Variants in EPB41L5 observed in about 807,000 individuals in gnomAD.
EPB41L5 encodes band 4.1-like protein 5.
In EPB41L5, 55 loss-of-function variants were observed where a neutral mutation model predicts 106.6. That is an observed-to-expected ratio of 0.52 (90% CI 0.42 to 0.65). The LOEUF (loss-of-function observed/expected upper bound fraction) is 0.65. Among genes scored for constraint, EPB41L5 ranks in the 30% least tolerant of loss-of-function variants. The pLI, the probability that EPB41L5 is intolerant of heterozygous loss-of-function variation, is 0.00. For synonymous variants in EPB41L5, 297 were observed against 306.7 expected (o/e 0.97, Z 0.33); for missense variants, 871 against 882.1 (o/e 0.99, Z 0.16).
chr2:120,166,729 C>G (rs1687430002), intron 22 of EPB41L5, among the ~76,000 whole-genome samples: 2 of 152,218 alleles, frequency 1.3e-5, no homozygotes, highest in South Asian at 4.1e-4. Flanking sequence ...CGCCACTGCG[C>G]CCAGCCTGTG....
chr2:120,057,907 T>A (rs1333184037), intron 3 of EPB41L5, among the ~76,000 whole-genome samples: 1 of 152,082 alleles, frequency 6.6e-6, no homozygotes, highest in Non-Finnish European at 1.5e-5. Flanking sequence ...ATTGAGTGGT[T>A]TTAGGTTGGT....
chr2:120,019,898 G>A lies in EPB41L5; in HGVS notation c.180+634G>A, dbSNP rs915932308. Reference sequence around the variant, plus strand: ...AAGACAGGCTGTTGTAATTATATTTGCATTTTGGATAGATTTTTTTTTTTT... The same window carrying A: ...AAGACAGGCTGTTGTAATTATATTTACATTTTGGATAGATTTTTTTTTTTT... On this transcript the variant is annotated intron_variant, in intron 2 of 24. Coordinates refer to ENST00000263713, the MANE Select transcript of EPB41L5 (RefSeq NM_020909.4). Among the ~76,000 whole-genome samples, 3 of 94,840 alleles carry A rather than the reference G, an allele frequency of 3.2e-5. No homozygotes were observed. The Admixed American group carries it at 4.3e-4, about 14-fold the overall frequency. 62.2% of individuals were successfully genotyped at this position (94,840 alleles called of 152,430 possible). A position where few individuals can be genotyped will look rare whatever the true frequency, so the allele number is the denominator to read the frequency against.
chr2:120,082,039 A>G (rs923421956), intron 10 of EPB41L5, among the ~76,000 whole-genome samples: 11 of 152,180 alleles, frequency 7.2e-5, no homozygotes, highest in Non-Finnish European at 1.0e-4. Context: ...TAAATATACA[A>G]TCGTGTCATC....
intron 13 of EPB41L5, among the ~76,000 whole-genome samples, chr2:120,092,400 A>G (rs1683481936): frequency 6.6e-6 from 1 of 152,180 alleles, no homozygotes; most frequent in Non-Finnish European, 1.5e-5. Context: ...TGTATTAAAT[A>G]CCATTTTAAA....
At chr2:120,035,680 T>C (rs1678999397) in intron 2 of EPB41L5, among the ~76,000 whole-genome samples, 1 of 152,124 alleles carries the variant, frequency 6.6e-6, no homozygotes. Flanking sequence ...CCCCCATCTC[T>C]TAAAAAAAAT....
chr2:120,162,678 A>G (rs1384761146), intron 21 of EPB41L5, among the ~76,000 whole-genome samples: 2 of 152,216 alleles, frequency 1.3e-5, no homozygotes, highest in African/African-American at 4.8e-5. Context: ...TTTATTGCAT[A>G]TATAGTATGT....
chr2:120,131,588 G>A lies in EPB41L5; in HGVS notation c.1502-30G>A, dbSNP rs750035477. ...TAGCTGTGACAGCCTGGCAGACTGG[G>A]GTTATTTTGCCTTTTTTTTTTCTTT... is the stretch of plus-strand genomic sequence containing the variant. On this transcript the variant is annotated intron_variant, in intron 17 of 24. Coordinates refer to ENST00000263713, the MANE Select transcript of EPB41L5 (RefSeq NM_020909.4). 2.6e-6 allele frequency: 4 copies of A among 1,529,220 alleles called. No individual in the cohort carries two copies. The South Asian group carries it at 4.5e-5, about 17-fold the overall frequency. The allele number at this position is 1,529,220 out of a possible 1,614,324, so 94.7% of individuals were successfully genotyped here.
intron 10 of EPB41L5, among the ~76,000 whole-genome samples, chr2:120,083,147 C>G (rs188882429): frequency 6.6e-6 from 1 of 152,246 alleles, no homozygotes; most frequent in African/African-American, 2.4e-5. Context: ...CTTCTGCTAG[C>G]TTTTGAATGT....
At chr2:120,020,525 T>A (rs1677849031) in intron 2 of EPB41L5, among the ~76,000 whole-genome samples, 2 of 152,210 alleles carry the variant, frequency 1.3e-5, no homozygotes, top group African/African-American at 2.4e-5. Flanking sequence ...GGTTTTTGAT[T>A]CTGGACAACT....
chr2:120,061,253 C>T (rs183504594), intron 3 of EPB41L5, among the ~76,000 whole-genome samples: 4,631 of 143,720 alleles, frequency 0.032, 246 homozygotes, highest in African/African-American at 0.11. Context: ...GACGGAGTCT[C>T]GCTCTGTCGC....
chr2:120,076,857 AT>A (rs754134759), intron 7 of EPB41L5, 113 bp from the exon 8 acceptor site: 95 of 1,010,226 alleles, frequency 9.4e-5, no homozygotes, highest in Non-Finnish European at 1.2e-4. Context: ...AGTATTATGA[AT>A]TTTTGTAAGA....
intron 20 of EPB41L5, among the ~76,000 whole-genome samples, chr2:120,156,182 A>G (rs1686892331): frequency 6.6e-6 from 1 of 152,172 alleles, no homozygotes; most frequent in South Asian, 2.1e-4. Context: ...GATCTTGTCC[A>G]TCAGGTAGGG....
At chr2:120,117,543 C>G (rs1384964941) in intron 16 of EPB41L5, among the ~76,000 whole-genome samples, 2 of 152,162 alleles carry the variant, frequency 1.3e-5, no homozygotes, top group African/African-American at 2.4e-5. Context: ...GAGAGTGCTT[C>G]TACCTCTCAT....
chr2:120,115,873 G>A lies in EPB41L5; in HGVS notation c.1338-11815G>A, dbSNP rs187610210. The stretch of plus-strand genomic sequence containing the variant: ...CACCCAGGCTGGAGTGCAGTGGCAC[G>A]ATCTCAACTCACTGCAACCTCTGCC... On this transcript the variant is annotated intron_variant, in intron 16 of 24. Transcript: ENST00000263713. Among the ~76,000 whole-genome samples the A allele has an allele frequency of 2.0e-4, 31 of 152,220 alleles. No individual in the cohort carries two copies. In the South Asian group the frequency reaches 3.1e-3, roughly 15 times the overall value.
intron 16 of EPB41L5, among the ~76,000 whole-genome samples, chr2:120,125,310 A>G (rs1685407468): frequency 6.6e-6 from 1 of 152,170 alleles, no homozygotes; most frequent in African/African-American, 2.4e-5. Flanking sequence ...CCTGCCAAAC[A>G]GTGGAAACAC....
chr2:120,022,794 C>T (rs1678028048), intron 2 of EPB41L5, among the ~76,000 whole-genome samples: 1 of 152,140 alleles, frequency 6.6e-6, no homozygotes, highest in South Asian at 2.1e-4. Flanking sequence ...TTTACACTCC[C>T]ACTAACAGTG....
chr2:120,020,361 C>T (rs1251510851), intron 2 of EPB41L5, among the ~76,000 whole-genome samples: 1 of 152,088 alleles, frequency 6.6e-6, no homozygotes, highest in Non-Finnish European at 1.5e-5. Context: ...TTCTGATTAA[C>T]TTAATAATTT....
At position 120,061,434 on chromosome 2, in the gene EPB41L5, G is replaced by A. The variant is rs377654690; in HGVS notation, c.286-11744G>A. 5.3e-5 allele frequency among the ~76,000 whole-genome samples: 8 copies of A among 151,448 alleles called. No homozygotes were observed. The East Asian group carries it at 1.6e-3, about 30-fold the overall frequency. ...GAGACGGGGTTTCACCGTTTTAGCC[G>A]GGATGGTCTCGATCTCCTGACCTCG... is the stretch of plus-strand genomic sequence containing the variant. On this transcript the variant is annotated intron_variant, in intron 3 of 24. Coordinates refer to ENST00000263713, the MANE Select transcript of EPB41L5 (RefSeq NM_020909.4).
intron 14 of EPB41L5, 38 bp from the exon 15 acceptor site, chr2:120,100,206 A>T: frequency 6.4e-7 from 1 of 1,560,974 alleles, no homozygotes; most frequent in Non-Finnish European, 8.8e-7. Context: ...CTGAAATTTC[A>T]TATAGGGTTT....
Sources: allele counts gnomAD v4.1 joint callset (sites outside exome capture counted in the v4.1 genomes callset), GRCh38; gene constraint gnomAD v4.1.1; transcripts MANE v1.5; gene names NCBI Gene and HGNC (gene_info 2026-07-23, HGNC 2026-07-21).